Variants in GABRB1 observed in about 807,000 individuals in gnomAD.
GABRB1 encodes gamma-aminobutyric acid type A receptor subunit beta1.
In GABRB1, 17 loss-of-function variants were observed where a neutral mutation model predicts 51.6. The ratio of observed to expected loss-of-function variants is 0.33; its 90% CI spans 0.23 to 0.49. The LOEUF is 0.49. Among genes scored for constraint, GABRB1 ranks in the 20% least tolerant of loss-of-function variants. The pLI is 0.99. For synonymous variants in GABRB1, 247 were observed against 218.9 expected, an observed-to-expected ratio of 1.13 and a Z score of -1.14; for missense variants, 410 against 600.6, an observed-to-expected ratio of 0.68 and a Z score of 3.32.
intron 5 of GABRB1, among the ~76,000 whole-genome samples, chr4:47,390,404 CT>C (rs1727945339): frequency 6.6e-6 from 1 of 152,212 alleles, no homozygotes. Flanking sequence ...GACCATCCCC[CT>C]AGCTCTATTA....
chr4:47,317,670 G>C (rs540284149), intron 4 of GABRB1, among the ~76,000 whole-genome samples: 1 of 151,804 alleles, frequency 6.6e-6, no homozygotes, highest in East Asian at 1.9e-4. Flanking sequence ...GGCTTCAAAA[G>C]GTATGTGAAA....
chr4:47,123,272 T>C (rs1022187146), intron 3 of GABRB1, among the ~76,000 whole-genome samples: 2 of 142,536 alleles, frequency 1.4e-5, no homozygotes, highest in Non-Finnish European at 3.0e-5. Flanking sequence ...TGTGTGTGTG[T>C]ATTTATACAT....
intron 3 of GABRB1, among the ~76,000 whole-genome samples, chr4:47,067,339 A>C (rs1727131187): frequency 6.6e-6 from 1 of 152,228 alleles, no homozygotes; most frequent in Non-Finnish European, 1.5e-5. Flanking sequence ...ATTTGCCCCT[A>C]ACAAGAGGGT....
At chr4:47,231,452 T>G (rs1721140106) in intron 4 of GABRB1, among the ~76,000 whole-genome samples, 1 of 152,168 alleles carries the variant, frequency 6.6e-6, no homozygotes, top group Admixed American at 6.6e-5. Flanking sequence ...GCTCAATCAC[T>G]AAAAGCTGGA....
intron 1 of GABRB1, among the ~76,000 whole-genome samples, chr4:47,001,796 C>G (rs1037330530): frequency 6.6e-6 from 1 of 152,162 alleles, no homozygotes; most frequent in African/African-American, 2.4e-5. Context: ...CTAACTAATA[C>G]AGTTGTACGG....
chr4:47,398,523 C>A (rs1377342927), intron 5 of GABRB1, among the ~76,000 whole-genome samples: 1 of 152,128 alleles, frequency 6.6e-6, no homozygotes, highest in Non-Finnish European at 1.5e-5. Flanking sequence ...AAAGATATAT[C>A]TTCCCATGTT....
At chr4:47,201,515 GA>G (rs1382883100) in intron 4 of GABRB1, among the ~76,000 whole-genome samples, 1 of 152,036 alleles carries the variant, frequency 6.6e-6, no homozygotes, top group Non-Finnish European at 1.5e-5. Context: ...GAATAATAAG[GA>G]AAATTATATA....
chr4:47,241,976 T>C (rs915194883), intron 4 of GABRB1, among the ~76,000 whole-genome samples: 1 of 152,174 alleles, frequency 6.6e-6, no homozygotes, highest in Non-Finnish European at 1.5e-5. Flanking sequence ...CATGTTGGTG[T>C]GCTGTACCCG....
intron 4 of GABRB1, among the ~76,000 whole-genome samples, chr4:47,170,055 A>T (rs1442841385): frequency 2.0e-5 from 3 of 152,142 alleles, no homozygotes; most frequent in East Asian, 1.9e-4. Flanking sequence ...CATACTAATG[A>T]TTCTAAATTA....
intron 4 of GABRB1, among the ~76,000 whole-genome samples, chr4:47,299,980 T>A (rs1213114969): frequency 1.3e-5 from 2 of 151,508 alleles, no homozygotes; most frequent in African/African-American, 2.4e-5. Context: ...CTCAGTAAAC[T>A]ATCGCAAGGA....
chr4:47,397,271 T>C (rs1385712241), intron 5 of GABRB1, among the ~76,000 whole-genome samples: 1 of 152,182 alleles, frequency 6.6e-6, no homozygotes, highest in African/African-American at 2.4e-5. Context: ...ATTTTCTAGA[T>C]AGATCTACAA....
chr4:47,132,403 TTTGGTTTGG>T (rs1560550169), intron 3 of GABRB1, among the ~76,000 whole-genome samples: 36 of 17,124 alleles, frequency 2.1e-3, no homozygotes, highest in South Asian at 4.8e-3. Context: ...TTTGGTTTGG[TTTGGTTTGG>T]TTTGGTTTGG....
At chr4:47,235,358 G>A (rs1328751410) in intron 4 of GABRB1, among the ~76,000 whole-genome samples, 1 of 152,038 alleles carries the variant, frequency 6.6e-6, no homozygotes, top group Non-Finnish European at 1.5e-5. Flanking sequence ...AAGACCATCC[G>A]GGCTAACACG....
At chr4:47,152,540 G>A (rs960722801) in intron 3 of GABRB1, among the ~76,000 whole-genome samples, 4 of 151,964 alleles carry the variant, frequency 2.6e-5, no homozygotes, top group Admixed American at 2.0e-4. Flanking sequence ...TCTCCATGGT[G>A]AGCTAATCCA....
At chr4:47,187,209 G>T (rs1719216191) in intron 4 of GABRB1, among the ~76,000 whole-genome samples, 1 of 151,824 alleles carries the variant, frequency 6.6e-6, no homozygotes, top group Non-Finnish European at 1.5e-5. Flanking sequence ...ACTGAGAGAT[G>T]CTAAGATCAC....
At chr4:47,239,679 A>G (rs558382271) in intron 4 of GABRB1, among the ~76,000 whole-genome samples, 3 of 152,346 alleles carry the variant, frequency 2.0e-5, no homozygotes, top group Middle Eastern at 3.4e-3. Context: ...TAGATTAAAC[A>G]AAAGTAAACT....
At chr4:46,995,098 C>T (rs535094654) in intron 1 of GABRB1, among the ~76,000 whole-genome samples, 7 of 152,134 alleles carry the variant, frequency 4.6e-5, no homozygotes, top group Admixed American at 3.3e-4. Context: ...AGGGCCTGGG[C>T]TAGGTAATTT....
At chr4:47,329,160 A>G (rs1725368868) in intron 5 of GABRB1, among the ~76,000 whole-genome samples, 2 of 152,066 alleles carry the variant, frequency 1.3e-5, no homozygotes, top group South Asian at 4.2e-4. Flanking sequence ...TCCAGTTTTT[A>G]ATGCCATTTT....
chr4:47,308,286 G>A (rs528356831), intron 4 of GABRB1, among the ~76,000 whole-genome samples: 1 of 152,096 alleles, frequency 6.6e-6, no homozygotes, highest in Non-Finnish European at 1.5e-5. Flanking sequence ...TCCACATAGG[G>A]GAAAAATGAA....
Sources: gnomAD v4.1 joint callset for allele counts (sites outside exome capture counted in the v4.1 genomes callset) on GRCh38, gnomAD v4.1.1 for gene constraint, MANE v1.5 for transcripts, NCBI Gene and HGNC (gene_info 2026-07-23, HGNC 2026-07-21) for gene names.